ITM2B: variants seen among roughly 807,000 people sequenced by gnomAD.
ITM2B encodes the protein integral membrane protein 2B.
Under a neutral mutation model 27.8 loss-of-function variants are expected in ITM2B, and 11 were observed. The ratio of observed to expected loss-of-function variants is 0.40; its 90% CI spans 0.25 to 0.66. The LOEUF is 0.66. ITM2B is among the 30% of genes least tolerant of loss of function. ITM2B has a pLI of 0.43. For missense variants in ITM2B, 296 were observed against 328.9 expected (o/e 0.90, Z 0.77); for synonymous variants, 114 against 114.3 (o/e 1.00, Z 0.02).
intron 1 of ITM2B, among the ~76,000 whole-genome samples, chr13:48,239,675 G>A (rs1388518999): frequency 6.6e-6 from 1 of 152,154 alleles, no homozygotes; most frequent in African/African-American, 2.4e-5. Context: ...TAAAACATGA[G>A]TCCAGTGTTG....
intron 1 of ITM2B, among the ~76,000 whole-genome samples, chr13:48,239,533 G>A (rs565202189): frequency 1.3e-5 from 2 of 152,350 alleles, no homozygotes; most frequent in South Asian, 4.1e-4. Context: ...TTGGGAGGCT[G>A]AAACAGGAGA....
At chr13:48,248,290 C>CT (rs530267792) in intron 1 of ITM2B, among the ~76,000 whole-genome samples, 3,328 of 145,508 alleles carry the variant, frequency 0.023, 104 homozygotes, top group African/African-American at 0.075. Flanking sequence ...AGTGCTAGTA[C>CT]TTTTTTTTTT....
chr13:48,245,793 T>C (rs1256139752), intron 1 of ITM2B, among the ~76,000 whole-genome samples: 7 of 151,758 alleles, frequency 4.6e-5, no homozygotes, highest in Admixed American at 1.3e-4. Context: ...TTTTTTTTTT[T>C]CGAGACAGAG....
chr13:48,247,736 T>G (rs1951732058), intron 1 of ITM2B, among the ~76,000 whole-genome samples: 1 of 152,222 alleles, frequency 6.6e-6, no homozygotes, highest in Non-Finnish European at 1.5e-5. Flanking sequence ...TAAGTAATTT[T>G]ATTTTATTAT....
intron 1 of ITM2B, among the ~76,000 whole-genome samples, chr13:48,242,147 A>G (rs2137981710): frequency 6.6e-6 from 1 of 151,828 alleles, no homozygotes. Context: ...TTAAATTGAT[A>G]TTTAGTGTTT....
chr13:48,244,176 A>G (rs939236497), intron 1 of ITM2B, among the ~76,000 whole-genome samples: 5 of 152,226 alleles, frequency 3.3e-5, no homozygotes, highest in Middle Eastern at 3.2e-3. Context: ...ATAGCCAGGT[A>G]CTATACCTGG....
chr13:48,246,506 A>G (rs1328007646), intron 1 of ITM2B, among the ~76,000 whole-genome samples: 8 of 152,240 alleles, frequency 5.3e-5, no homozygotes, highest in Non-Finnish European at 1.2e-4. Flanking sequence ...TACATATACC[A>G]GATATATTTG....
chr13:48,241,929 C>T (rs910928297), intron 1 of ITM2B, among the ~76,000 whole-genome samples: 17 of 152,150 alleles, frequency 1.1e-4, no homozygotes, highest in Admixed American at 5.9e-4. Context: ...ACCCCCTGAA[C>T]GGGTGTGTTC....
intron 5 of ITM2B, 41 bp from the exon 6 acceptor site, chr13:48,261,095 TTAA>T: frequency 8.2e-7 from 1 of 1,221,628 alleles, no homozygotes; most frequent in Non-Finnish European, 1.2e-6. Context: ...ATATTTATTA[TTAA>T]AGAATCAAAA....
intron 5 of ITM2B, among the ~76,000 whole-genome samples, chr13:48,260,869 A>G (rs999224148): frequency 1.3e-5 from 2 of 152,162 alleles, no homozygotes; most frequent in Non-Finnish European, 2.9e-5. Context: ...TAGTCAAGAT[A>G]CAGAACATTT....
intron 1 of ITM2B, among the ~76,000 whole-genome samples, chr13:48,240,521 T>TA (rs762662492): frequency 2.6e-5 from 4 of 152,230 alleles, no homozygotes; most frequent in Non-Finnish European, 4.4e-5. Context: ...ATATTACTGT[T>TA]ACTGCTTATC....
intron 1 of ITM2B, among the ~76,000 whole-genome samples, chr13:48,245,010 T>G (rs1239200998): frequency 1.3e-5 from 2 of 152,192 alleles, no homozygotes; most frequent in Non-Finnish European, 1.5e-5. Context: ...AATTTGAAAT[T>G]CTGCTAAAAT....
intron 1 of ITM2B, among the ~76,000 whole-genome samples, chr13:48,249,871 G>A (rs1951743418): frequency 6.6e-6 from 1 of 152,006 alleles, no homozygotes; most frequent in Non-Finnish European, 1.5e-5. Context: ...TAGTCATGGG[G>A]TTTTTCTTCT....
At chr13:48,246,008 G>C (rs777022807) in intron 1 of ITM2B, among the ~76,000 whole-genome samples, 1 of 152,078 alleles carries the variant, frequency 6.6e-6, no homozygotes, top group Non-Finnish European at 1.5e-5. Context: ...TCAATCTCCT[G>C]ACCTCATGAT....
At position 48,261,404 on chromosome 13, in the gene ITM2B, G is replaced by A. The variant is rs951200608; in HGVS notation, c.*180G>A. ...TACCTTAAAATTTTTTTCTTTCGAA[G>A]TGTGGTGTCTTTTATATTTGAATTA... On this transcript the variant is annotated 3_prime_UTR_variant, in exon 6 of 6. Transcript: ENST00000647800. The A allele has an allele frequency of 1.3e-5, 7 of 542,542 alleles. No individual in the cohort carries two copies. The highest frequency in any genetic ancestry group is 2.0e-5 in the Non-Finnish European group (6 of 305,316). 33.6% of individuals were successfully genotyped at this position (542,542 alleles called of 1,614,324 possible).
chr13:48,267,999 A>G lies in ITM2B; in HGVS notation c.*6775A>G, dbSNP rs192361221. ...ACACTTTTCTTTGTCCATGTTAACA[A>G]TCATCAAAACATTTTCATTGCCCCA... On this transcript the variant is annotated 3_prime_UTR_variant, in exon 6 of 6. Coordinates refer to ENST00000647800, the MANE Select transcript of ITM2B (RefSeq NM_021999.5). 2.4e-4 allele frequency: 37 copies of G among 152,346 alleles called. No homozygotes were observed. Among genetic ancestry groups the G allele is most frequent in the East Asian group, 1.4e-3 (7 of 5,184 alleles). The allele number at this position is 152,346 out of a possible 1,614,324, so 9.4% of individuals were successfully genotyped here.
At chr13:48,252,255 T>A (rs1182112060) in intron 1 of ITM2B, among the ~76,000 whole-genome samples, 1 of 152,190 alleles carries the variant, frequency 6.6e-6, no homozygotes, top group Non-Finnish European at 1.5e-5. Flanking sequence ...ACATATAATC[T>A]TAGGTTTCAT....
In ITM2B at chr13:48,258,905, G is replaced by C; in HGVS notation, c.673G>C (p.Asp225His). 1 of 1,613,446 alleles carries C rather than the reference G, an allele frequency of 6.2e-7. No homozygotes were observed. The change falls in exon 5 of 6, where the codon GAC becomes CAC. Residue 225 changes from aspartate to histidine, a missense_variant. Transcript: ENST00000647800. ...TTTCTTTATTTATCGACTGTGTCAT[G>C]ACAAGGAAACTTACAAACTGCAACG... ...LGFFIYRLCHDKETYKLQRRE... is the reference protein window; with the variant it reads ...LGFFIYRLCHHKETYKLQRRE...
chr13:48,235,968 A>G (rs952609225), intron 1 of ITM2B, among the ~76,000 whole-genome samples: 2 of 152,202 alleles, frequency 1.3e-5, no homozygotes, highest in Middle Eastern at 3.2e-3. Context: ...CTTATATAAC[A>G]TGCATTCCAG....
Sources: gnomAD v4.1 joint callset for allele counts (sites outside exome capture counted in the v4.1 genomes callset) on GRCh38, gnomAD v4.1.1 for gene constraint, MANE v1.5 for transcripts, NCBI Gene and HGNC (gene_info 2026-07-23, HGNC 2026-07-21) for gene names.